Variants in APBB2 observed in about 807,000 individuals in gnomAD.
APBB2 encodes the protein Fe65-like 1.
Under a neutral mutation model 82.5 loss-of-function variants are expected in APBB2, and 38 were observed. The observed-to-expected ratio is 0.46, with a 90% CI of 0.36 to 0.60. The LOEUF (loss-of-function observed/expected upper bound fraction) is 0.60. APBB2 is among the 20% of genes least tolerant of loss of function. The pLI is 0.00. For missense variants in APBB2, 772 were observed against 972.3 expected (o/e 0.79, Z 2.74); for synonymous variants, 341 against 368.2 (o/e 0.93, Z 0.85).
chr4:40,872,780 A>G (rs557131751), intron 12 of APBB2, among the ~76,000 whole-genome samples: 39 of 151,928 alleles, frequency 2.6e-4, no homozygotes, highest in South Asian at 6.2e-4. Flanking sequence ...TTATAATGAT[A>G]AAGGTTAAAA....
chr4:40,933,272 C>G (rs1002296705), intron 10 of APBB2, among the ~76,000 whole-genome samples: 1 of 152,168 alleles, frequency 6.6e-6, no homozygotes, highest in African/African-American at 2.4e-5. Flanking sequence ...ATCTTGGTAC[C>G]TGCACACAGA....
intron 4 of APBB2, among the ~76,000 whole-genome samples, chr4:41,060,010 A>G (rs1023060340): frequency 6.6e-6 from 1 of 152,112 alleles, no homozygotes; most frequent in Non-Finnish European, 1.5e-5. Flanking sequence ...AATAATAACA[A>G]TAACACTGGT....
At position 40,827,175 on chromosome 4, in the gene APBB2, G is replaced by A. The variant is rs753638788; in HGVS notation, c.1689C>T (p.Ser563=). The A allele has an allele frequency of 5.0e-6, 8 of 1,614,218 alleles. No individual in the cohort carries two copies. Among genetic ancestry groups the A allele is most frequent in the Middle Eastern group, 1.7e-4 (1 of 6,060 alleles). ...RKNAKALACS[S]LQERANVNLD... is the part of the protein sequence containing the mutation. Reference sequence around the variant, plus strand: ...GGTTCACATTGGCCCTTTCCTGTAAGGAGCTGCAGGCCAGCGCTTTGGCAT... The same window carrying A: ...GGTTCACATTGGCCCTTTCCTGTAAAGAGCTGCAGGCCAGCGCTTTGGCAT... Residue 563 remains serine (S), a synonymous_variant, in exon 14 of 18, where the codon TCC becomes TCT. Coordinates refer to ENST00000508593, the MANE Select transcript of APBB2 (RefSeq NM_004307.2).
At chr4:41,045,631 T>G (rs566884154) in intron 4 of APBB2, among the ~76,000 whole-genome samples, 4 of 152,202 alleles carry the variant, frequency 2.6e-5, no homozygotes, top group Non-Finnish European at 5.9e-5. Flanking sequence ...TCTGGTATGT[T>G]TTCATTGTCA....
At chr4:40,857,186 C>T (rs1761528846) in intron 12 of APBB2, 1 of 983,026 alleles carries the variant, frequency 1.0e-6, no homozygotes, top group Non-Finnish European at 1.2e-6. Flanking sequence ...CTCCCTGCGC[C>T]CTCCCTGCCC....
At chr4:41,044,847 T>C (rs553899637) in intron 4 of APBB2, among the ~76,000 whole-genome samples, 12 of 152,310 alleles carry the variant, frequency 7.9e-5, no homozygotes, top group Non-Finnish European at 1.0e-4. Flanking sequence ...CTAAAATACA[T>C]GATTTTTTCT....
intron 12 of APBB2, among the ~76,000 whole-genome samples, chr4:40,878,666 G>A (rs762691578): frequency 3.9e-5 from 6 of 152,124 alleles, no homozygotes; most frequent in Non-Finnish European, 8.8e-5. Context: ...CATTTTCTGG[G>A]TTTTATTTTT....
At chr4:41,204,068 C>T (rs2154077924) in intron 1 of APBB2, among the ~76,000 whole-genome samples, 1 of 152,284 alleles carries the variant, frequency 6.6e-6, no homozygotes. Flanking sequence ...TAAGCTACTT[C>T]CTGAAGGAGT....
intron 1 of APBB2, among the ~76,000 whole-genome samples, chr4:41,161,810 A>G (rs902455524): frequency 2.0e-5 from 3 of 152,172 alleles, no homozygotes; most frequent in Admixed American, 6.5e-5. Context: ...AGTTCTTTCA[A>G]TTCTTTAAAA....
intron 6 of APBB2, among the ~76,000 whole-genome samples, chr4:41,011,795 A>G (rs527901587): frequency 2.0e-5 from 3 of 152,176 alleles, no homozygotes; most frequent in Non-Finnish European, 2.9e-5. Context: ...TAAAAACATA[A>G]GGTAATGGTC....
At chr4:41,134,365 G>T (rs1042075275) in intron 2 of APBB2, among the ~76,000 whole-genome samples, 2 of 152,064 alleles carry the variant, frequency 1.3e-5, no homozygotes, top group East Asian at 3.9e-4. Context: ...TGATCACAAG[G>T]TCAGGAGATG....
intron 6 of APBB2, among the ~76,000 whole-genome samples, chr4:40,951,172 T>C (rs1004514825): frequency 1.3e-5 from 2 of 152,122 alleles, no homozygotes. Flanking sequence ...ACTTCTGGAG[T>C]ATTAGAAATG....
intron 1 of APBB2, among the ~76,000 whole-genome samples, chr4:41,211,289 G>T (rs62410040): frequency 6.6e-6 from 1 of 151,628 alleles, no homozygotes; most frequent in African/African-American, 2.4e-5. Context: ...ACTAGGCACT[G>T]AACAAATGCT....
intron 1 of APBB2, among the ~76,000 whole-genome samples, chr4:41,198,548 C>T: frequency 6.6e-6 from 1 of 152,132 alleles, no homozygotes; most frequent in Non-Finnish European, 1.5e-5. Context: ...TCAACTGTGG[C>T]ACCATGAGGT....
Position 41,090,168 on chromosome 4 carries a change from C to G in APBB2, c.-149+10471G>C, listed in dbSNP as rs112857778. Among the ~76,000 whole-genome samples the G allele has an allele frequency of 5.0e-4, 76 of 152,220 alleles. 1 individual carries two copies. The highest frequency in any genetic ancestry group is 1.8e-3 in the African/African-American group (75 of 41,546). On this transcript the variant is annotated intron_variant, in intron 3 of 17. Transcript: ENST00000508593. ...GGGAAAAATTTGAATTTAACATTTC[C>G]CCTCCAGTCGTTTCTATAAACCTCT...
Position 40,945,082 on chromosome 4 carries a change from T to C in APBB2, c.836-9A>G. 3 of 1,228,558 alleles carry C rather than the reference T, an allele frequency of 2.4e-6. No homozygotes were observed. Among genetic ancestry groups the C allele is most frequent in the Non-Finnish European group, 1.1e-6 (1 of 905,388 alleles). The allele number at this position is 1,228,558 out of a possible 1,614,324, so 76.1% of individuals were successfully genotyped here. On this transcript the variant is annotated splice_polypyrimidine_tract_variant and intron_variant, in intron 6 of 17. Coordinates refer to ENST00000508593, the MANE Select transcript of APBB2 (RefSeq NM_004307.2). ...ATCACTCCATATATCTGCTGAAAAATTGGGGGGCGGGGCGGGGGGAGAAAG... is the reference window on the plus strand; with the variant it reads ...ATCACTCCATATATCTGCTGAAAAACTGGGGGGCGGGGCGGGGGGAGAAAG...
At chr4:40,942,601 A>G (rs1160705217) in intron 7 of APBB2, among the ~76,000 whole-genome samples, 1 of 152,006 alleles carries the variant, frequency 6.6e-6, no homozygotes, top group Admixed American at 6.5e-5. Context: ...CCTGAAAACC[A>G]CAACAGATTT....
chr4:40,871,444 C>A (rs1011073841), intron 12 of APBB2, among the ~76,000 whole-genome samples: 2 of 152,240 alleles, frequency 1.3e-5, no homozygotes, highest in Admixed American at 1.3e-4. Flanking sequence ...CGCACCCGGC[C>A]TCAACTCCTT....
chr4:41,076,254 G>A (rs1022332931), intron 3 of APBB2, among the ~76,000 whole-genome samples: 1 of 152,200 alleles, frequency 6.6e-6, no homozygotes, highest in Non-Finnish European at 1.5e-5. Context: ...ACAGTTAAGT[G>A]GGGTTTGGAT....
Sources: gnomAD v4.1 joint callset for allele counts (sites outside exome capture counted in the v4.1 genomes callset) on GRCh38, gnomAD v4.1.1 for gene constraint, MANE v1.5 for transcripts, NCBI Gene and HGNC (gene_info 2026-07-23, HGNC 2026-07-21) for gene names.